The following NR6A1 variants were observed in gnomAD, a reference collection of about 807,000 sequenced individuals.
NR6A1 encodes the protein retinoic acid receptor-related testis-associated receptor.
Under a neutral mutation model 59.1 loss-of-function variants are expected in NR6A1, and 7 were observed. That is an observed-to-expected ratio of 0.12 (90% CI 0.07 to 0.22). The LOEUF (loss-of-function observed/expected upper bound fraction) is 0.22, where lower values mean the gene tolerates loss of function less well. NR6A1 is among the 10% of genes least tolerant of loss of function. The pLI is 1.00. For synonymous variants in NR6A1, 243 were observed against 236.1 expected, an observed-to-expected ratio of 1.03 and a Z score of -0.27; for missense variants, 468 against 611.6, an observed-to-expected ratio of 0.77 and a Z score of 2.48.
intron 2 of NR6A1, among the ~76,000 whole-genome samples, chr9:124,654,351 T>C (rs1393076912): frequency 2.0e-5 from 3 of 152,086 alleles, no homozygotes; most frequent in African/African-American, 7.2e-5. Flanking sequence ...AAAAACAAAT[T>C]TGGGAAAAAA....
In NR6A1 at chr9:124,538,223, G is replaced by C. The variant is rs1833338526; in HGVS notation, c.693C>G (p.Ser231Arg). The C allele has an allele frequency of 6.2e-7, 1 of 1,614,172 alleles. No individual in the cohort carries two copies. The highest frequency in any genetic ancestry group is 8.5e-7 in the Non-Finnish European group (1 of 1,180,022). ...GCAGAAGTGGTGAGTGGCCAGAATA[G>C]CTAAAAAGGTGCGGTATATATTGGT... ...PHYQYIPHLFSYSGHSPLLPQ... is the reference protein window; with the variant it reads ...PHYQYIPHLFRYSGHSPLLPQ... Residue 231 changes from serine to arginine, a missense_variant, in exon 6 of 10, where the codon AGC becomes AGG. Physicochemically the swap from Ser to Arg is moderately radical, Grantham distance 110. Transcript: ENST00000487099.
intron 3 of NR6A1, among the ~76,000 whole-genome samples, chr9:124,544,261 T>G (rs1390428992): frequency 6.6e-6 from 1 of 152,244 alleles, no homozygotes; most frequent in African/African-American, 2.4e-5. Context: ...TAGATTTGAT[T>G]TGTAGAATCA....
At chr9:124,707,759 C>G (rs1169675877) in intron 2 of NR6A1, among the ~76,000 whole-genome samples, 1 of 152,024 alleles carries the variant, frequency 6.6e-6, no homozygotes, top group Non-Finnish European at 1.5e-5. Context: ...CGGTTTTTCC[C>G]CCCACCTTTT....
At chr9:124,693,789 G>A (rs369088591) in intron 2 of NR6A1, 60 of 534,340 alleles carry the variant, frequency 1.1e-4, no homozygotes, top group Non-Finnish European at 2.0e-4. Flanking sequence ...TGCAAACTGC[G>A]GACCAAACAA....
intron 2 of NR6A1, chr9:124,692,535 G>A (rs768412133): frequency 1.9e-6 from 1 of 525,176 alleles, no homozygotes; most frequent in Non-Finnish European, 3.9e-6. Context: ...ACCGTTGACT[G>A]TACCTTGGGG....
intron 2 of NR6A1, among the ~76,000 whole-genome samples, chr9:124,580,465 T>C (rs1834732302): frequency 6.6e-6 from 1 of 151,516 alleles, no homozygotes; most frequent in African/African-American, 2.4e-5. Flanking sequence ...GGCTAGAAAA[T>C]ACTATTTTAA....
chr9:124,522,806 G>A lies in NR6A1; in HGVS notation c.1355-13C>T, dbSNP rs373264185. The A allele has an allele frequency of 3.0e-5, 47 of 1,570,092 alleles. No individual in the cohort carries two copies. The African/African-American group carries it at 4.3e-4, about 14-fold the overall frequency. On this transcript the variant is annotated splice_polypyrimidine_tract_variant and intron_variant, in intron 9 of 9. Transcript: ENST00000487099. ...TTCACCATCTTTCCTGGGAACAAGG[G>A]GGGAGAAGAAGAGTTAGCAGTGGTC...
Position 124,704,548 on chromosome 9 carries a change from C to G in NR6A1, c.142+28760G>C, listed in dbSNP as rs533558401. ...ACCTCAGCCTCCCAAGAAACACACA[C>G]CTCTACATCCAGCTACTTCGGATTA... On this transcript the variant is annotated intron_variant, in intron 2 of 9. Coordinates refer to ENST00000487099, the MANE Select transcript of NR6A1 (RefSeq NM_033334.4). 2.0e-5 allele frequency among the ~76,000 whole-genome samples: 3 copies of G among 152,236 alleles called. No homozygotes were observed. The East Asian group carries it at 5.8e-4, about 29-fold the overall frequency.
At chr9:124,693,228 C>T (rs967775992) in intron 2 of NR6A1, among the ~76,000 whole-genome samples, 1 of 152,148 alleles carries the variant, frequency 6.6e-6, no homozygotes, top group Non-Finnish European at 1.5e-5. Context: ...ACATATAAAA[C>T]AGAGGCTAAG....
chr9:124,723,533 T>C (rs1043692734), intron 2 of NR6A1, among the ~76,000 whole-genome samples: 1 of 152,210 alleles, frequency 6.6e-6, no homozygotes, highest in Admixed American at 6.5e-5. Flanking sequence ...TCATCTGAAC[T>C]ATTTACTTGA....
chr9:124,544,306 T>C (rs1833535111), intron 3 of NR6A1, among the ~76,000 whole-genome samples: 1 of 152,192 alleles, frequency 6.6e-6, no homozygotes, highest in African/African-American at 2.4e-5. Flanking sequence ...TTAATCAGAA[T>C]TTTGACCTCA....
intron 7 of NR6A1, among the ~76,000 whole-genome samples, chr9:124,529,909 G>A (rs1336481021): frequency 1.3e-5 from 2 of 152,198 alleles, no homozygotes; most frequent in Non-Finnish European, 2.9e-5. Context: ...TCTGACTGGA[G>A]GGGTGGGGAT....
intron 3 of NR6A1, among the ~76,000 whole-genome samples, chr9:124,550,153 T>C (rs1833728139): frequency 6.6e-6 from 1 of 152,210 alleles, no homozygotes; most frequent in Non-Finnish European, 1.5e-5. Context: ...AGGGGGTATA[T>C]ACAATGTTGG....
chr9:124,669,707 A>G (rs1837731702), intron 2 of NR6A1, among the ~76,000 whole-genome samples: 1 of 152,226 alleles, frequency 6.6e-6, no homozygotes, highest in Non-Finnish European at 1.5e-5. Flanking sequence ...AAGTACCTAT[A>G]GTCAAGAGGA....
intron 2 of NR6A1, among the ~76,000 whole-genome samples, chr9:124,603,936 T>C (rs1421664404): frequency 2.6e-5 from 4 of 152,258 alleles, no homozygotes; most frequent in African/African-American, 9.6e-5. Context: ...ACAAGATCAG[T>C]TGCAAATCAG....
At chr9:124,586,322 C>T (rs1834933202) in intron 2 of NR6A1, among the ~76,000 whole-genome samples, 1 of 152,108 alleles carries the variant, frequency 6.6e-6, no homozygotes, top group Admixed American at 6.5e-5. Context: ...TGATTCTAAC[C>T]CTCATGGATG....
chr9:124,663,707 A>T (rs1009363507), intron 2 of NR6A1, among the ~76,000 whole-genome samples: 3 of 152,204 alleles, frequency 2.0e-5, no homozygotes, highest in Non-Finnish European at 4.4e-5. Context: ...AGCACAGGCC[A>T]TTCTCCATTT....
At chr9:124,711,591 T>C (rs1469750413) in intron 2 of NR6A1, among the ~76,000 whole-genome samples, 1 of 152,168 alleles carries the variant, frequency 6.6e-6, no homozygotes, top group Non-Finnish European at 1.5e-5. Flanking sequence ...ATTAATAAAG[T>C]AGGTTTCAGG....
rs528909898 is a variant in NR6A1 at position 124,561,537 on chromosome 9, T to G, written c.143-6967A>C. On this transcript the variant is annotated intron_variant, in intron 2 of 9. Transcript: ENST00000487099. ...GCTCTAGCTTCCTCATAGTCTGTAA[T>G]AGAATAAAGTAGCTTTGCAAAGTAT... is the stretch of plus-strand genomic sequence containing the variant. Among the ~76,000 whole-genome samples the G allele has an allele frequency of 6.0e-4, 91 of 152,286 alleles. 1 individual carries two copies. The South Asian group carries it at 0.018, about 30-fold the overall frequency.
Sources: gnomAD v4.1 joint callset for allele counts (sites outside exome capture counted in the v4.1 genomes callset) on GRCh38, gnomAD v4.1.1 for gene constraint, MANE v1.5 for transcripts, NCBI Gene and HGNC (gene_info 2026-07-23, HGNC 2026-07-21) for gene names.